The following NTN4 variants were observed in gnomAD, a reference collection of about 807,000 sequenced individuals.
NTN4 encodes netrin 4.
NTN4 carries 32 observed loss-of-function variants against 73.6 expected under a neutral mutation model. The observed-to-expected ratio is 0.44, with a 90% CI of 0.33 to 0.58. NTN4 has a LOEUF of 0.58. NTN4 is among the 20% of genes least tolerant of loss of function. The pLI is 0.04. For synonymous variants in NTN4, 258 were observed against 287.5 expected (o/e 0.90, Z 1.04); for missense variants, 654 against 798.3 (o/e 0.82, Z 2.18).
intron 5 of NTN4, among the ~76,000 whole-genome samples, chr12:95,703,029 G>C (rs1039263537): frequency 6.6e-6 from 1 of 151,850 alleles, no homozygotes; most frequent in African/African-American, 2.4e-5. Context: ...GGCTAATTTT[G>C]TATTTTTAGT....
At chr12:95,701,077 T>C (rs2078481780) in intron 5 of NTN4, among the ~76,000 whole-genome samples, 1 of 152,182 alleles carries the variant, frequency 6.6e-6, no homozygotes, top group Non-Finnish European at 1.5e-5. Flanking sequence ...CCTCCCAAAG[T>C]GCTGAGATTA....
At chr12:95,695,338 A>T (rs987747533) in intron 5 of NTN4, among the ~76,000 whole-genome samples, 4 of 152,058 alleles carry the variant, frequency 2.6e-5, no homozygotes, top group African/African-American at 9.7e-5. Flanking sequence ...TTAAATGCAT[A>T]CTGCAAATAA....
At chr12:95,786,795 A>C in intron 2 of NTN4, 144 bp downstream of exon 2, 1 of 705,896 alleles carries the variant, frequency 1.4e-6, no homozygotes, top group Non-Finnish European at 2.3e-6. Flanking sequence ...AAGGGTAAGA[A>C]ATAATTTATG....
At chr12:95,762,088 A>T (rs2078992930) in intron 2 of NTN4, among the ~76,000 whole-genome samples, 1 of 152,200 alleles carries the variant, frequency 6.6e-6, no homozygotes, top group Non-Finnish European at 1.5e-5. Context: ...AATTAACTTG[A>T]TGTTAAAACG....
intron 3 of NTN4, among the ~76,000 whole-genome samples, chr12:95,720,737 T>C (rs946751832): frequency 1.3e-5 from 2 of 152,182 alleles, no homozygotes; most frequent in Admixed American, 6.5e-5. Flanking sequence ...GGGCAAGGCA[T>C]GTTGATAAAT....
intron 2 of NTN4, among the ~76,000 whole-genome samples, chr12:95,748,055 C>G (rs910741149): frequency 3.3e-5 from 5 of 151,608 alleles, no homozygotes; most frequent in Admixed American, 3.3e-4. Context: ...TATGGTGAAA[C>G]CCCATCTCTA....
chr12:95,755,329 G>A (rs891879950), intron 2 of NTN4, among the ~76,000 whole-genome samples: 2 of 152,190 alleles, frequency 1.3e-5, no homozygotes, highest in African/African-American at 4.8e-5. Context: ...CCATGGATAG[G>A]TGGCCACTTG....
intron 3 of NTN4, among the ~76,000 whole-genome samples, chr12:95,723,064 A>C (rs1043152964): frequency 6.6e-6 from 1 of 151,624 alleles, no homozygotes; most frequent in African/African-American, 2.4e-5. Flanking sequence ...GTACAGTTTA[A>C]ATTTGGGCTG....
chr12:95,747,398 C>T (rs2078870273), intron 2 of NTN4, among the ~76,000 whole-genome samples: 2 of 152,036 alleles, frequency 1.3e-5, no homozygotes, highest in Admixed American at 6.6e-5. Flanking sequence ...CTCACCACAG[C>T]CTTGAACTAC....
At chr12:95,728,457 C>T (rs549505482) in intron 3 of NTN4, among the ~76,000 whole-genome samples, 10 of 152,118 alleles carry the variant, frequency 6.6e-5, no homozygotes, top group Non-Finnish European at 1.5e-4. Flanking sequence ...TTGAGAAGTT[C>T]CTTTCTAACC....
intron 5 of NTN4, among the ~76,000 whole-genome samples, chr12:95,695,153 G>C (rs906395552): frequency 6.6e-6 from 1 of 151,858 alleles, no homozygotes; most frequent in African/African-American, 2.4e-5. Context: ...GCTTGAATCA[G>C]TTTAATAAGA....
At chr12:95,721,753 A>T (rs2078649681) in intron 3 of NTN4, among the ~76,000 whole-genome samples, 1 of 152,210 alleles carries the variant, frequency 6.6e-6, no homozygotes, top group Admixed American at 6.5e-5. Context: ...AAATTTTTAA[A>T]TTGAGGTTGC....
chr12:95,686,966 G>T (rs1175548304), intron 5 of NTN4, among the ~76,000 whole-genome samples: 1 of 152,166 alleles, frequency 6.6e-6, no homozygotes, highest in Non-Finnish European at 1.5e-5. Context: ...TTTCTGCATT[G>T]TGTGGGAGCT....
chr12:95,659,903 A>G (rs2078123411), intron 9 of NTN4, among the ~76,000 whole-genome samples: 2 of 152,222 alleles, frequency 1.3e-5, no homozygotes, highest in Non-Finnish European at 2.9e-5. Context: ...GCTCTATGAC[A>G]AAAGAACTGA....
chr12:95,669,222 A>C (rs930389121), intron 8 of NTN4, among the ~76,000 whole-genome samples: 6 of 151,942 alleles, frequency 3.9e-5, no homozygotes, highest in African/African-American at 4.8e-5. Flanking sequence ...AAAAAAAAAA[A>C]GTCTCAGACA....
At chr12:95,710,970 C>G (rs1417096628) in intron 4 of NTN4, among the ~76,000 whole-genome samples, 3 of 152,180 alleles carry the variant, frequency 2.0e-5, no homozygotes, top group African/African-American at 7.2e-5. Flanking sequence ...CGCCACTGCA[C>G]TCCAGCCTCT....
At chr12:95,725,277 G>A (rs932997034) in intron 3 of NTN4, among the ~76,000 whole-genome samples, 3 of 152,098 alleles carry the variant, frequency 2.0e-5, no homozygotes, top group Non-Finnish European at 2.9e-5. Context: ...TATCTGTCAA[G>A]TAGTGTTTGA....
At chr12:95,691,843 A>G (rs1419578227) in intron 5 of NTN4, among the ~76,000 whole-genome samples, 6 of 152,126 alleles carry the variant, frequency 3.9e-5, no homozygotes, top group African/African-American at 1.4e-4. Flanking sequence ...AACCAGGTAT[A>G]TTTAGAAGCT....
At chr12:95,758,810 T>C (rs1162895552) in intron 2 of NTN4, among the ~76,000 whole-genome samples, 1 of 152,070 alleles carries the variant, frequency 6.6e-6, no homozygotes, top group South Asian at 2.1e-4. Flanking sequence ...AGTGATCTGG[T>C]CTCCCAAAGT....
Sources: gnomAD v4.1 joint callset for allele counts (sites outside exome capture counted in the v4.1 genomes callset) on GRCh38, gnomAD v4.1.1 for gene constraint, MANE v1.5 for transcripts, NCBI Gene and HGNC (gene_info 2026-07-23, HGNC 2026-07-21) for gene names.